SOX5: variants seen among roughly 807,000 people sequenced by gnomAD.
The protein encoded by SOX5 is transcription factor SOX-5.
A neutral mutation model predicts 92.0 loss-of-function variants in SOX5; 9 were observed. The ratio of observed to expected loss-of-function variants is 0.10; its 90% confidence interval spans 0.06 to 0.17. SOX5 has a LOEUF of 0.17. SOX5 is among the 10% of genes least tolerant of loss of function. The probability of loss-of-function intolerance (pLI) is 1.00; values close to 1 mark genes in which losing one functional copy is unlikely to be tolerated. For missense variants in SOX5, 642 were observed against 944.5 expected (o/e 0.68, Z 4.20); for synonymous variants, 344 against 336.3 (o/e 1.02, Z -0.25).
chr12:23,539,979 GT>G (rs1177932891), intron 13 of SOX5, among the ~76,000 whole-genome samples: 1 of 151,898 alleles, frequency 6.6e-6, no homozygotes. Flanking sequence ...GACAAGTTTG[GT>G]TTTGATTTCA....
chr12:24,104,838 T>A (rs150643492), intron 4 of SOX5, among the ~76,000 whole-genome samples: 103 of 152,370 alleles, frequency 6.8e-4, no homozygotes, highest in African/African-American at 2.4e-3. Context: ...TCAATTGTTT[T>A]ATTCCACGAC....
At chr12:23,710,872 TC>T (rs969104668) in intron 6 of SOX5, among the ~76,000 whole-genome samples, 2 of 152,294 alleles carry the variant, frequency 1.3e-5, no homozygotes, top group Admixed American at 1.3e-4. Flanking sequence ...GTTAAAGTGT[TC>T]CTATTTCTCA....
At chr12:23,617,231 G>A (rs1250111811) in intron 8 of SOX5, among the ~76,000 whole-genome samples, 2 of 151,986 alleles carry the variant, frequency 1.3e-5, no homozygotes, top group East Asian at 3.9e-4. Flanking sequence ...GAGAAAACAG[G>A]TGAGCCACTG....
At chr12:24,043,119 T>C (rs1043080246) in intron 4 of SOX5, among the ~76,000 whole-genome samples, 3 of 152,170 alleles carry the variant, frequency 2.0e-5, no homozygotes, top group Non-Finnish European at 4.4e-5. Context: ...AAAGAAGAGA[T>C]GAATTGTCTC....
At chr12:23,789,462 G>T (rs1385643283) in intron 3 of SOX5, among the ~76,000 whole-genome samples, 2 of 151,972 alleles carry the variant, frequency 1.3e-5, no homozygotes, top group African/African-American at 2.4e-5. Context: ...TATTCTATCT[G>T]CCTCTGGCCT....
intron 8 of SOX5, chr12:23,638,532 A>T (rs2079576218): frequency 6.6e-6 from 1 of 152,214 alleles, no homozygotes; most frequent in South Asian, 2.1e-4. Context: ...CATCTCAAAA[A>T]TAGGTTTCAA....
chr12:23,549,660 A>C (rs1943812158), intron 11 of SOX5, among the ~76,000 whole-genome samples: 1 of 151,956 alleles, frequency 6.6e-6, no homozygotes, highest in African/African-American at 2.4e-5. Context: ...GTCAACATGT[A>C]AAAGTCCTGG....
intron 1 of SOX5, among the ~76,000 whole-genome samples, chr12:24,378,216 G>A (rs1362001566): frequency 6.6e-6 from 1 of 152,144 alleles, no homozygotes; most frequent in Admixed American, 6.5e-5. Context: ...CCTATCCAGG[G>A]ATACTTTTCA....
chr12:23,847,031 C>A lies in SOX5; in HGVS notation c.271-838G>T, dbSNP rs1185070952. On this transcript the variant is annotated intron_variant, in intron 2 of 14. Coordinates refer to ENST00000451604, the MANE Select transcript of SOX5 (RefSeq NM_006940.6). ...ATTGTCATTTTCTCACATATTCTAG[C>A]ACAAATCTGGTAATTTGTATAATAT... is the stretch of plus-strand genomic sequence containing the variant. 2.6e-5 allele frequency among the ~76,000 whole-genome samples: 4 copies of A among 151,954 alleles called. No individual in the cohort carries two copies. The East Asian group carries it at 5.8e-4, about 22-fold the overall frequency.
intron 8 of SOX5, among the ~76,000 whole-genome samples, chr12:23,609,550 G>A (rs969658574): frequency 2.6e-5 from 4 of 152,100 alleles, no homozygotes; most frequent in African/African-American, 9.7e-5. Context: ...CAGAGGAACA[G>A]GATGATAATA....
chr12:23,979,968 G>C (rs371582959), intron 4 of SOX5, among the ~76,000 whole-genome samples: 1 of 150,928 alleles, frequency 6.6e-6, no homozygotes, highest in Non-Finnish European at 1.5e-5. Context: ...CAGACAGATA[G>C]ATAGACAGAT....
intron 4 of SOX5, among the ~76,000 whole-genome samples, chr12:24,020,511 G>A (rs562675294): frequency 6.6e-6 from 1 of 152,138 alleles, no homozygotes; most frequent in Non-Finnish European, 1.5e-5. Context: ...TGTGTGGTTA[G>A]CAAGTGTGGC....
chr12:23,902,937 C>T (rs16926862), intron 1 of SOX5, among the ~76,000 whole-genome samples: 9,164 of 152,160 alleles, frequency 0.06, 363 homozygotes, highest in East Asian at 0.093. Flanking sequence ...GAATGAGTCC[C>T]TATTTTATGC....
intron 1 of SOX5, among the ~76,000 whole-genome samples, chr12:24,370,514 A>G (rs1430943187): frequency 7.0e-6 from 1 of 142,254 alleles, no homozygotes; most frequent in African/African-American, 2.6e-5. Flanking sequence ...GGTTTTGGCC[A>G]GGCACAGTGG....
At chr12:23,872,819 G>A (rs979004451) in intron 2 of SOX5, among the ~76,000 whole-genome samples, 6 of 152,134 alleles carry the variant, frequency 3.9e-5, no homozygotes, top group Admixed American at 1.3e-4. Context: ...GGAGAACTAC[G>A]CAAGAAAAGG....
chr12:23,859,549 A>G (rs2096731354), intron 2 of SOX5, among the ~76,000 whole-genome samples: 1 of 152,142 alleles, frequency 6.6e-6, no homozygotes, highest in Admixed American at 6.5e-5. Flanking sequence ...CCTCATCAGT[A>G]ATTCTAATTT....
chr12:23,920,070 T>C (rs1373368686), intron 1 of SOX5: 1 of 152,314 alleles, frequency 6.6e-6, no homozygotes, highest in African/African-American at 2.4e-5. Flanking sequence ...TCGGCATTTA[T>C]TTAATCAGCG....
intron 4 of SOX5, among the ~76,000 whole-genome samples, chr12:24,121,987 T>A (rs1259647680): frequency 6.7e-6 from 1 of 149,958 alleles, no homozygotes; most frequent in African/African-American, 2.4e-5. Flanking sequence ...AAAAAATTCA[T>A]CTTGTTCATG....
rs536236187 is a variant in SOX5, at chr12:24,153,732, G to A, written c.-2+59611C>T. 2.2e-4 allele frequency among the ~76,000 whole-genome samples: 33 copies of A among 152,198 alleles called. No individual in the cohort carries two copies. In the South Asian group the frequency reaches 4.1e-3, roughly 19 times the overall value. On this transcript the variant is annotated intron_variant, in intron 4 of 4. Coordinates refer to the SOX5 transcript ENST00000446891. ...ACATCAACACTCTGCTGTGGAAATCGATGCCAGACTAATTGCTGCCCTAAA... is the reference window on the plus strand; with the variant it reads ...ACATCAACACTCTGCTGTGGAAATCAATGCCAGACTAATTGCTGCCCTAAA...
Sources: gnomAD v4.1 joint callset for allele counts (sites outside exome capture counted in the v4.1 genomes callset) on GRCh38, gnomAD v4.1.1 for gene constraint, MANE v1.5 for transcripts, NCBI Gene and HGNC (gene_info 2026-07-23, HGNC 2026-07-21) for gene names.